The following GLMN variants were observed in gnomAD, a reference collection of about 807,000 sequenced individuals.
The protein encoded by GLMN is glomulin, FKBP associated protein.
Under a neutral mutation model 87.8 loss-of-function variants are expected in GLMN, and 75 were observed. The ratio of observed to expected loss-of-function variants is 0.85; its 90% confidence interval spans 0.71 to 1.04. The LOEUF is 1.04. GLMN is among the 50% of genes least tolerant of loss of function. The pLI is 0.00. For synonymous variants in GLMN, 206 were observed against 221.6 expected (o/e 0.93, Z 0.63); for missense variants, 588 against 658.8 (o/e 0.89, Z 1.18).
rs1259048822 is a variant in GLMN at position 92,285,936 on chromosome 1, AT to A, written c.735+553del. 2.0e-5 allele frequency among the ~76,000 whole-genome samples: 3 copies of A among 152,342 alleles called. No homozygotes were observed. The East Asian group carries it at 5.8e-4, about 29-fold the overall frequency. ...ATAAAATTTACTTAAATATGGAGCT[AT>A]TTTGAAAATATTTATCACAGGGCAT... On this transcript the variant is annotated intron_variant, in intron 7 of 18. Transcript: ENST00000370360.
chr1:92,277,490 G>A (rs150015734), intron 7 of GLMN, among the ~76,000 whole-genome samples: 137 of 152,284 alleles, frequency 9.0e-4, no homozygotes, highest in African/African-American at 3.1e-3. Flanking sequence ...CCTCAGGATG[G>A]GAGCTGGTTG....
Position 92,289,010 on chromosome 1 carries a change from G to A in GLMN, c.536C>T (p.Ala179Val). 1.2e-6 allele frequency: 2 copies of A among 1,611,628 alleles called. No homozygotes were observed. Among genetic ancestry groups the A allele is most frequent in the South Asian group, 1.1e-5 (1 of 91,020 alleles). Residue 179 changes from alanine (A) to valine (V), a missense_variant, in exon 6 of 19, where the codon GCC (alanine) becomes GTC (valine). Transcript: ENST00000370360. ...AAAAGGCTTAGTGAACTCTATTAAG[G>A]CCTTGCAACACTGACAAAGGCCATA... ...DDYGLCQCCK[A>V]LIEFTKPFVE...
At chr1:92,346,691 T>C in the GLMN span, among the ~76,000 whole-genome samples, 9 of 152,212 alleles carry the variant, frequency 5.9e-5, no homozygotes, top group Non-Finnish European at 1.2e-4. Context: ...TTAAAGGAAC[T>C]AAACCAGATG....
the GLMN span, among the ~76,000 whole-genome samples, chr1:92,330,564 C>T: frequency 6.7e-6 from 1 of 148,960 alleles, no homozygotes; most frequent in Non-Finnish European, 1.5e-5. Flanking sequence ...TTTCCTGCCT[C>T]AGCCTCCCAA....
the GLMN span, among the ~76,000 whole-genome samples, chr1:92,320,272 T>G: frequency 6.6e-6 from 1 of 152,006 alleles, no homozygotes; most frequent in Non-Finnish European, 1.5e-5. Context: ...TGTCCTTTAA[T>G]TTTTTTCTTT....
chr1:92,252,175 T>C lies in GLMN; in HGVS notation c.1474-4186A>G, dbSNP rs1653602491. ...TAACCAAATTACTAAATCAGGACTT[T>C]AAAAAGCAAATGTATCTCTAACCAA... On this transcript the variant is annotated intron_variant, in intron 16 of 18. Transcript: ENST00000370360. Among the ~76,000 whole-genome samples, 3 of 152,208 alleles carry C rather than the reference T, an allele frequency of 2.0e-5. No individual in the cohort carries two copies. In the South Asian group the frequency reaches 6.2e-4, roughly 31 times the overall value.
At chr1:92,363,644 T>C in the GLMN span, 1 of 258,802 alleles carries the variant, frequency 3.9e-6, no homozygotes, top group Non-Finnish European at 7.7e-6. Flanking sequence ...ATGCGGATAT[T>C]TTTCCACCTC....
chr1:92,325,148 AC>A, the GLMN span, among the ~76,000 whole-genome samples: 10 of 152,158 alleles, frequency 6.6e-5, no homozygotes, highest in East Asian at 1.3e-3. Flanking sequence ...TATTTCTACT[AC>A]CCATCTTTGA....
intron 3 of GLMN, among the ~76,000 whole-genome samples, chr1:92,292,397 G>C (rs1290709552): frequency 6.6e-6 from 1 of 151,730 alleles, no homozygotes; most frequent in African/African-American, 2.4e-5. Context: ...GTTTTTTAAA[G>C]TTAAATACAT....
chr1:92,347,071 G>C, the GLMN span, among the ~76,000 whole-genome samples: 1 of 152,144 alleles, frequency 6.6e-6, no homozygotes, highest in Non-Finnish European at 1.5e-5. Context: ...AAGCATTAGA[G>C]TAGGCTTCAG....
At chr1:92,369,380 C>T in the GLMN span, among the ~76,000 whole-genome samples, 1 of 152,172 alleles carries the variant, frequency 6.6e-6, no homozygotes, top group African/African-American at 2.4e-5. Context: ...TAAACTTGAA[C>T]TCCTGGGGTC....
chr1:92,253,523 G>A (rs557909850), intron 16 of GLMN, among the ~76,000 whole-genome samples: 2 of 152,284 alleles, frequency 1.3e-5, no homozygotes, highest in East Asian at 1.9e-4. Context: ...GGAGAGCTCC[G>A]GCTGGCATCT....
intron 2 of GLMN, 102 bp from the exon 3 acceptor site, chr1:92,297,631 C>A: frequency 9.7e-7 from 1 of 1,034,590 alleles, no homozygotes; most frequent in Non-Finnish European, 1.4e-6. Context: ...AAAAGGAAAT[C>A]TGTTTAAATT....
At chr1:92,313,479 G>T in the GLMN span, among the ~76,000 whole-genome samples, 1 of 144,760 alleles carries the variant, frequency 6.9e-6, no homozygotes, top group African/African-American at 2.5e-5. Context: ...TTCAACAGTT[G>T]GCTTAAAATA....
the GLMN span, among the ~76,000 whole-genome samples, chr1:92,365,013 G>C: frequency 6.6e-6 from 1 of 152,140 alleles, no homozygotes; most frequent in Non-Finnish European, 1.5e-5. Context: ...TCCACTGACT[G>C]TTTCCCCCAC....
At chr1:92,329,310 G>A in the GLMN span, among the ~76,000 whole-genome samples, 1 of 152,170 alleles carries the variant, frequency 6.6e-6, no homozygotes. Flanking sequence ...GGCCAATGGA[G>A]TTATGTTCCC....
intron 11 of GLMN, among the ~76,000 whole-genome samples, chr1:92,267,461 TG>T (rs1044142992): frequency 6.6e-6 from 1 of 152,048 alleles, no homozygotes; most frequent in Non-Finnish European, 1.5e-5. Context: ...CCCAGCACTT[TG>T]GGGGGCTGAG....
At chr1:92,335,274 G>C in the GLMN span, among the ~76,000 whole-genome samples, 1 of 152,054 alleles carries the variant, frequency 6.6e-6, no homozygotes, top group African/African-American at 2.4e-5. Flanking sequence ...ATGAAGCAAA[G>C]GTAGCAAAAA....
intron 18 of GLMN, 26 bp downstream of exon 18, chr1:92,247,035 AG>A (rs1652768288): frequency 8.4e-7 from 1 of 1,190,420 alleles, no homozygotes; most frequent in Non-Finnish European, 1.2e-6. Context: ...AAGAAGAAAA[AG>A]GAAAGAAAAG....
Sources: allele counts gnomAD v4.1 joint callset (sites outside exome capture counted in the v4.1 genomes callset), GRCh38; gene constraint gnomAD v4.1.1; transcripts MANE v1.5; gene names NCBI Gene and HGNC (gene_info 2026-07-23, HGNC 2026-07-21).